PRKN: variants seen among roughly 807,000 people sequenced by gnomAD.
PRKN encodes parkin RBR E3 ubiquitin protein ligase, also known as E3 ubiquitin-protein ligase parkin.
Under a neutral mutation model 59.5 loss-of-function variants are expected in PRKN, and 56 were observed. That is an observed-to-expected ratio of 0.94 (90% CI 0.76 to 1.18). The LOEUF (loss-of-function observed/expected upper bound fraction) is 1.18. Among genes scored for constraint, PRKN ranks in the 50% most tolerant of loss-of-function variants. The pLI is 0.00. For synonymous variants in PRKN, 250 were observed against 222.1 expected, an observed-to-expected ratio of 1.13 and a Z score of -1.12; for missense variants, 657 against 596.4, an observed-to-expected ratio of 1.10 and a Z score of -1.06.
chr6:161,750,118 T>TATATATATATATATAC (rs1269147499), intron 7 of PRKN, among the ~76,000 whole-genome samples: 3 of 137,736 alleles, frequency 2.2e-5, no homozygotes, highest in African/African-American at 2.7e-5. Flanking sequence ...TATATATATA[T>TATATATATATATATAC]ACACACACAC....
intron 2 of PRKN, among the ~76,000 whole-genome samples, chr6:162,354,533 G>C (rs1297830632): frequency 6.6e-6 from 1 of 151,984 alleles, no homozygotes; most frequent in African/African-American, 2.4e-5. Context: ...TGGATCATAT[G>C]AAGTATGCAT....
At chr6:161,436,791 G>A (rs1788936211) in intron 9 of PRKN, among the ~76,000 whole-genome samples, 1 of 152,068 alleles carries the variant, frequency 6.6e-6, no homozygotes, top group South Asian at 2.1e-4. Context: ...TGAAATGTCT[G>A]TATCTGTAAG....
intron 6 of PRKN, among the ~76,000 whole-genome samples, chr6:161,920,394 A>C (rs1778737664): frequency 6.6e-6 from 1 of 151,772 alleles, no homozygotes; most frequent in Non-Finnish European, 1.5e-5. Context: ...AAAAAATAAA[A>C]AAGGAAACCA....
chr6:161,862,118 G>A (rs1228257665), intron 6 of PRKN, among the ~76,000 whole-genome samples: 1 of 152,082 alleles, frequency 6.6e-6, no homozygotes, highest in Non-Finnish European at 1.5e-5. Flanking sequence ...GATAATCCAG[G>A]ATGACTGACT....
intron 2 of PRKN, among the ~76,000 whole-genome samples, chr6:162,317,427 T>A (rs1240306671): frequency 6.6e-6 from 1 of 152,138 alleles, no homozygotes; most frequent in African/African-American, 2.4e-5. Context: ...TCTCCAGGCA[T>A]GTGGAGGTGT....
At position 161,973,380 on chromosome 6, in the gene PRKN, T is replaced by G; in HGVS notation, c.656A>C (p.Asp219Ala). 6.2e-7 allele frequency: 1 copy of G among 1,613,764 alleles called. No individual in the cohort carries two copies. Among genetic ancestry groups the G allele is most frequent in the Non-Finnish European group, 8.5e-7 (1 of 1,179,648 alleles). ...FFKCGAHPTS[D>A]KETSVALHLI... is the part of the protein sequence containing the mutation. Reference sequence around the variant, plus strand: ...GTGCAAAGCTACTGATGTTTCCTTGTCAGAGGTGGGGTGTGCTCCACATTT... The same window carrying G: ...GTGCAAAGCTACTGATGTTTCCTTGGCAGAGGTGGGGTGTGCTCCACATTT... The change falls in exon 6 of 12, where the codon GAC (aspartate) becomes GCC (alanine). Residue 219 changes from aspartate (D) to alanine (A), a missense_variant. Asp to Ala is a moderately radical substitution (Grantham distance 126). Transcript: ENST00000366898.
At chr6:161,889,163 A>G (rs1335910793) in intron 6 of PRKN, among the ~76,000 whole-genome samples, 3 of 152,188 alleles carry the variant, frequency 2.0e-5, no homozygotes, top group East Asian at 3.9e-4. Context: ...AGAACCCAAC[A>G]AAGTAACCAC....
At chr6:162,362,786 TA>T (rs1266065653) in intron 2 of PRKN, among the ~76,000 whole-genome samples, 2 of 152,106 alleles carry the variant, frequency 1.3e-5, no homozygotes, top group Non-Finnish European at 2.9e-5. Flanking sequence ...AAAAAAACTT[TA>T]TTTCACAAAA....
At chr6:162,455,362 A>C (rs1386026328) in intron 1 of PRKN, among the ~76,000 whole-genome samples, 1 of 152,208 alleles carries the variant, frequency 6.6e-6, no homozygotes, top group East Asian at 1.9e-4. Flanking sequence ...TTGTGCAAAC[A>C]TCATGGAGTG....
At chr6:162,582,006 CAGACTT>C (rs1193149928) in intron 1 of PRKN, among the ~76,000 whole-genome samples, 1 of 152,184 alleles carries the variant, frequency 6.6e-6, no homozygotes, top group African/African-American at 2.4e-5. Flanking sequence ...AAAATTTAAA[CAGACTT>C]AGATAAAAAT....
At chr6:161,381,991 A>G (rs1786009483) in intron 10 of PRKN, among the ~76,000 whole-genome samples, 1 of 151,552 alleles carries the variant, frequency 6.6e-6, no homozygotes, top group Non-Finnish European at 1.5e-5. Flanking sequence ...AGGTGCCTGT[A>G]GTTTCAGCTA....
intron 5 of PRKN, among the ~76,000 whole-genome samples, chr6:162,023,360 G>A (rs1042809194): frequency 3.9e-5 from 6 of 152,178 alleles, no homozygotes; most frequent in Admixed American, 3.3e-4. Context: ...CAGATCACAC[G>A]TTGGCTTGGC....
At position 162,186,412 on chromosome 6, in the gene PRKN, A is replaced by T. The variant is rs571826858; in HGVS notation, c.534+14719T>A. Among the ~76,000 whole-genome samples, 46 of 152,044 alleles carry T rather than the reference A, an allele frequency of 3.0e-4. 2 individuals are homozygous for T. The South Asian group carries it at 8.9e-3, about 29-fold the overall frequency. ...TATTTTGAAACATCTCATGAACATC[A>T]TATTTATAGATTGGTTTGTTGGAGT... On this transcript the variant is annotated intron_variant, in intron 4 of 11. Transcript: ENST00000366898.
intron 3 of PRKN, among the ~76,000 whole-genome samples, chr6:162,230,845 A>G (rs1254220214): frequency 6.6e-6 from 1 of 152,236 alleles, no homozygotes; most frequent in Non-Finnish European, 1.5e-5. Flanking sequence ...AGTACTTTAT[A>G]AAAATTCTAT....
intron 4 of PRKN, among the ~76,000 whole-genome samples, chr6:162,058,969 A>G (rs949182811): frequency 6.6e-6 from 1 of 151,844 alleles, no homozygotes; most frequent in Non-Finnish European, 1.5e-5. Context: ...AAAAAAAAAA[A>G]AAAAAAAAGA....
At chr6:161,987,130 A>G (rs1781464435) in intron 5 of PRKN, among the ~76,000 whole-genome samples, 1 of 152,260 alleles carries the variant, frequency 6.6e-6, no homozygotes, top group Non-Finnish European at 1.5e-5. Flanking sequence ...GCAAGTGCTT[A>G]ACACAATTTA....
intron 1 of PRKN, among the ~76,000 whole-genome samples, chr6:162,644,173 T>C (rs936826063): frequency 6.6e-6 from 1 of 151,490 alleles, no homozygotes; most frequent in Non-Finnish European, 1.5e-5. Flanking sequence ...GGCTTGCCTA[T>C]CTTTCTAGTT....
chr6:162,144,027 T>C (rs1473809748), intron 4 of PRKN, among the ~76,000 whole-genome samples: 1 of 152,192 alleles, frequency 6.6e-6, no homozygotes, highest in Non-Finnish European at 1.5e-5. Flanking sequence ...TAAAGAAATC[T>C]ACATATTCTT....
At chr6:162,068,266 G>GTT (rs34266167) in intron 4 of PRKN, among the ~76,000 whole-genome samples, 1 of 151,948 alleles carries the variant, frequency 6.6e-6, no homozygotes, top group Non-Finnish European at 1.5e-5. Context: ...TTATCGACAG[G>GTT]TTTTTCCAGG....
Sources: gnomAD v4.1 joint callset for allele counts (sites outside exome capture counted in the v4.1 genomes callset) on GRCh38, gnomAD v4.1.1 for gene constraint, MANE v1.5 for transcripts, NCBI Gene and HGNC (gene_info 2026-07-23, HGNC 2026-07-21) for gene names.